TAFA5: variants seen among roughly 807,000 people sequenced by gnomAD.
The protein encoded by TAFA5 is chemokine-like protein TAFA-5.
Under a neutral mutation model 15.3 loss-of-function variants are expected in TAFA5, and 6 were observed. The ratio of observed to expected loss-of-function variants is 0.39; its 90% confidence interval spans 0.21 to 0.77. TAFA5 has a LOEUF of 0.77. TAFA5 is among the 30% of genes least tolerant of loss of function. The pLI is 0.41. For missense variants in TAFA5, 161 were observed against 193.1 expected, an observed-to-expected ratio of 0.83 and a Z score of 0.98; for synonymous variants, 103 against 80.7, an observed-to-expected ratio of 1.28 and a Z score of -1.48.
intron 1 of TAFA5, among the ~76,000 whole-genome samples, chr22:48,611,758 A>G (rs1925418890): frequency 6.7e-6 from 1 of 150,306 alleles, no homozygotes; most frequent in South Asian, 2.1e-4. Context: ...TTTCTGACTC[A>G]CTCTTCAGTA....
At chr22:48,656,693 AG>A (rs1345554720) in intron 2 of TAFA5, among the ~76,000 whole-genome samples, 8 of 143,214 alleles carry the variant, frequency 5.6e-5, no homozygotes, top group Middle Eastern at 3.6e-3. Context: ...AATTACCAAA[AG>A]TTCTTTTTTT....
intron 1 of TAFA5, among the ~76,000 whole-genome samples, chr22:48,586,847 G>GAGGC (rs1273942109): frequency 1.3e-5 from 2 of 152,254 alleles, no homozygotes; most frequent in African/African-American, 4.8e-5. Context: ...ACTGTTGCAG[G>GAGGC]AGGCAGGGAG....
At chr22:48,569,738 G>C (rs980726641) in intron 1 of TAFA5, among the ~76,000 whole-genome samples, 1 of 152,226 alleles carries the variant, frequency 6.6e-6, no homozygotes, top group South Asian at 2.1e-4. Context: ...ATCCCGGGGG[G>C]TGGCCTCCCG....
chr22:48,595,162 T>C (rs1234613000), intron 1 of TAFA5, among the ~76,000 whole-genome samples: 1 of 152,186 alleles, frequency 6.6e-6, no homozygotes, highest in African/African-American at 2.4e-5. Flanking sequence ...GCAGCCTGCA[T>C]GCCCCAATTG....
intron 3 of TAFA5, among the ~76,000 whole-genome samples, chr22:48,727,241 CA>C (rs1354678639): frequency 6.6e-6 from 1 of 152,106 alleles, no homozygotes; most frequent in African/African-American, 2.4e-5. Flanking sequence ...ATAAGATTCA[CA>C]GCACTATTAT....
At chr22:48,722,777 G>A (rs1368125872) in intron 3 of TAFA5, among the ~76,000 whole-genome samples, 1 of 152,176 alleles carries the variant, frequency 6.6e-6, no homozygotes, top group Non-Finnish European at 1.5e-5. Context: ...TCATGGCCGG[G>A]GGTACATCCT....
chr22:48,575,632 C>T (rs533402912), intron 1 of TAFA5, among the ~76,000 whole-genome samples: 54 of 146,462 alleles, frequency 3.7e-4, no homozygotes, highest in African/African-American at 1.3e-3. Flanking sequence ...GCAGCGGCGG[C>T]CCAGCGTGGG....
intron 1 of TAFA5, among the ~76,000 whole-genome samples, chr22:48,561,642 G>A (rs770840867): frequency 2.6e-5 from 4 of 152,142 alleles, no homozygotes; most frequent in Admixed American, 6.5e-5. Flanking sequence ...CCACGGCAAC[G>A]CCTCAAGCCT....
chr22:48,729,779 T>C (rs1358131266), intron 3 of TAFA5, among the ~76,000 whole-genome samples: 1 of 147,938 alleles, frequency 6.8e-6, no homozygotes, highest in Admixed American at 6.8e-5. Flanking sequence ...TAAATATAAA[T>C]ATATAAATAT....
chr22:48,687,763 C>T (rs1437984065), intron 2 of TAFA5, among the ~76,000 whole-genome samples: 3 of 152,144 alleles, frequency 2.0e-5, no homozygotes, highest in Non-Finnish European at 4.4e-5. Flanking sequence ...CCCTAAGTGC[C>T]CCACCTCTGA....
At chr22:48,528,900 A>G (rs133480) in intron 1 of TAFA5, among the ~76,000 whole-genome samples, 127,485 of 152,132 alleles carry the variant, frequency 0.84, 53,750 homozygotes, top group Middle Eastern at 0.93. Context: ...GTCCCATTGT[A>G]ACCTGGAGAA....
chr22:48,571,579 T>TTTG (rs1923590470), intron 1 of TAFA5, among the ~76,000 whole-genome samples: 1 of 94,012 alleles, frequency 1.1e-5, no homozygotes, highest in Non-Finnish European at 2.2e-5. Flanking sequence ...GGCCTGTTTT[T>TTTG]TTTTTTTTTT....
Position 48,639,888 on chromosome 22 carries a change from G to A in TAFA5, c.113-6709G>A, listed in dbSNP as rs539807126. 7.2e-5 allele frequency among the ~76,000 whole-genome samples: 11 copies of A among 152,262 alleles called. No individual in the cohort carries two copies. In the East Asian group the frequency reaches 1.4e-3, roughly 19 times the overall value. Reference sequence around the variant, plus strand: ...CAGGGCTCTGGGAATTTTGCCGGATGCTTTCTCCATTGCTCTCCCCCTCAT... The same window carrying A: ...CAGGGCTCTGGGAATTTTGCCGGATACTTTCTCCATTGCTCTCCCCCTCAT... On this transcript the variant is annotated intron_variant, in intron 1 of 3. Transcript: ENST00000402357.
intron 1 of TAFA5, among the ~76,000 whole-genome samples, chr22:48,549,339 A>G (rs185712805): frequency 3.3e-5 from 5 of 152,328 alleles, no homozygotes; most frequent in African/African-American, 1.2e-4. Context: ...GAACAATATG[A>G]GCTTCAGGGA....
intron 1 of TAFA5, among the ~76,000 whole-genome samples, chr22:48,561,535 G>A (rs771977863): frequency 1.3e-5 from 2 of 152,154 alleles, no homozygotes; most frequent in Non-Finnish European, 2.9e-5. Context: ...ACCTCTCCAC[G>A]GTTTGAAATG....
intron 2 of TAFA5, among the ~76,000 whole-genome samples, chr22:48,663,045 G>A (rs114892927): frequency 9.7e-4 from 147 of 152,328 alleles, no homozygotes; most frequent in Middle Eastern, 3.4e-3. Context: ...AGGGACGTGG[G>A]GATGCTTGGG....
intron 1 of TAFA5, among the ~76,000 whole-genome samples, chr22:48,595,321 G>C (rs940197892): frequency 1.3e-5 from 2 of 152,238 alleles, no homozygotes; most frequent in African/African-American, 4.8e-5. Context: ...GCCCCTTCCA[G>C]GTTCTCCTCT....
At chr22:48,698,189 T>C (rs564009529) in intron 2 of TAFA5, among the ~76,000 whole-genome samples, 6 of 151,770 alleles carry the variant, frequency 4.0e-5, no homozygotes, top group African/African-American at 1.2e-4. Context: ...GTGGTGATGA[T>C]GATGGTGACA....
At chr22:48,561,255 C>G (rs889995430) in intron 1 of TAFA5, among the ~76,000 whole-genome samples, 3 of 152,166 alleles carry the variant, frequency 2.0e-5, no homozygotes, top group Non-Finnish European at 4.4e-5. Flanking sequence ...CAAGGAAAGT[C>G]CTTTCTGCTT....
Sources: allele counts gnomAD v4.1 joint callset (sites outside exome capture counted in the v4.1 genomes callset), GRCh38; gene constraint gnomAD v4.1.1; transcripts MANE v1.5; gene names NCBI Gene and HGNC (gene_info 2026-07-23, HGNC 2026-07-21).